CAMK4: variants seen among roughly 807,000 people sequenced by gnomAD.
The protein encoded by CAMK4 is calcium/calmodulin-dependent protein kinase type IV.
In CAMK4, 22 loss-of-function variants were observed where a neutral mutation model predicts 44.9. The observed-to-expected ratio is 0.49, with a 90% CI of 0.35 to 0.70. The LOEUF (loss-of-function observed/expected upper bound fraction) is 0.70. Ranked by LOEUF, CAMK4 falls within the 30% of genes least tolerant of loss-of-function variation. CAMK4 has a pLI of 0.01. For missense variants in CAMK4, 498 were observed against 586.8 expected (o/e 0.85, Z 1.56); for synonymous variants, 218 against 215.4 (o/e 1.01, Z -0.11).
chr5:111,344,117 T>G lies in CAMK4; in HGVS notation c.240+15T>G. 6.7e-7 allele frequency: 1 copy of G among 1,487,930 alleles called. No homozygotes were observed. The highest frequency in any genetic ancestry group is 1.1e-5 in the South Asian group (1 of 88,060). The allele number at this position is 1,487,930 out of a possible 1,614,324, so 92.2% of individuals were successfully genotyped here. ...TAAAGAAAACAGTAAGTTTATTTCTTATATAATGGCATCTCTAAGGGGCCT... is the reference window on the plus strand; with the variant it reads ...TAAAGAAAACAGTAAGTTTATTTCTGATATAATGGCATCTCTAAGGGGCCT... On this transcript the variant is annotated intron_variant, in intron 2 of 10. Coordinates refer to ENST00000282356, the MANE Select transcript of CAMK4 (RefSeq NM_001744.6).
At chr5:111,255,585 G>T (rs1271980301) in intron 1 of CAMK4, among the ~76,000 whole-genome samples, 2 of 152,122 alleles carry the variant, frequency 1.3e-5, no homozygotes, top group Non-Finnish European at 2.9e-5. Context: ...GATCTTTATT[G>T]CTGACTTTTA....
intron 5 of CAMK4, among the ~76,000 whole-genome samples, chr5:111,405,430 C>T (rs575561617): frequency 1.3e-5 from 2 of 151,990 alleles, no homozygotes; most frequent in East Asian, 1.9e-4. Flanking sequence ...ATTGCACCAC[C>T]GCACTCCAGT....
chr5:111,258,413 G>T (rs576773302), intron 1 of CAMK4, among the ~76,000 whole-genome samples: 1 of 152,296 alleles, frequency 6.6e-6, no homozygotes, highest in East Asian at 1.9e-4. Flanking sequence ...GAACAAAAAA[G>T]AAGTTTAATT....
intron 7 of CAMK4, among the ~76,000 whole-genome samples, chr5:111,450,357 T>C (rs1754184914): frequency 6.6e-6 from 1 of 151,718 alleles, no homozygotes; most frequent in Non-Finnish European, 1.5e-5. Context: ...AGAATATTTT[T>C]ACACAAATGT....
intron 5 of CAMK4, among the ~76,000 whole-genome samples, chr5:111,416,925 G>A (rs1752835971): frequency 6.6e-6 from 1 of 152,120 alleles, no homozygotes; most frequent in Non-Finnish European, 1.5e-5. Context: ...AACATTCATA[G>A]TCAAAAGTAA....
chr5:111,275,493 A>AT (rs1157570630), intron 1 of CAMK4, among the ~76,000 whole-genome samples: 6 of 152,026 alleles, frequency 3.9e-5, no homozygotes, highest in Admixed American at 2.6e-4. Context: ...TCTTGTATTC[A>AT]TTTTTTTATT....
At chr5:111,467,156 C>G (rs957121732) in intron 7 of CAMK4, among the ~76,000 whole-genome samples, 4 of 151,920 alleles carry the variant, frequency 2.6e-5, no homozygotes, top group African/African-American at 9.7e-5. Context: ...GAAACTGGAT[C>G]CTCATCCCTC....
chr5:111,485,082 T>C lies in CAMK4; in HGVS notation c.*616T>C, dbSNP rs1473414911. The C allele has an allele frequency of 6.6e-6, 1 of 152,212 alleles. No individual in the cohort carries two copies. Among genetic ancestry groups the C allele is most frequent in the Non-Finnish European group, 1.5e-5 (1 of 68,044 alleles). The allele number at this position is 152,212 out of a possible 1,614,324, so 9.4% of individuals were successfully genotyped here. On this transcript the variant is annotated 3_prime_UTR_variant, in exon 11 of 11. Transcript: ENST00000282356. ...TGTGGAGAATGCTTTATTTTATTCT[T>C]ATTTATATACACTATATTAATAATA...
chr5:111,350,327 A>G (rs57714585), intron 2 of CAMK4, among the ~76,000 whole-genome samples: 1 of 152,074 alleles, frequency 6.6e-6, no homozygotes, highest in Non-Finnish European at 1.5e-5. Context: ...TAATGTTCTC[A>G]TTAGCTTGAT....
intron 1 of CAMK4, among the ~76,000 whole-genome samples, chr5:111,286,302 G>A (rs1023391125): frequency 6.6e-6 from 1 of 152,154 alleles, no homozygotes; most frequent in African/African-American, 2.4e-5. Context: ...GTCCGGTGTT[G>A]TATAGGTGTG....
chr5:111,272,316 G>T (rs1257650471), intron 1 of CAMK4, among the ~76,000 whole-genome samples: 1 of 151,628 alleles, frequency 6.6e-6, no homozygotes, highest in East Asian at 1.9e-4. Flanking sequence ...TTTTTCCATT[G>T]TCTCTCTTTA....
intron 1 of CAMK4, among the ~76,000 whole-genome samples, chr5:111,310,474 A>C (rs1037859392): frequency 1.3e-5 from 2 of 152,172 alleles, no homozygotes; most frequent in African/African-American, 2.4e-5. Context: ...AAGAAATCTG[A>C]ATTTTACCCA....
intron 1 of CAMK4, among the ~76,000 whole-genome samples, chr5:111,340,682 T>C (rs980434322): frequency 6.6e-6 from 1 of 151,194 alleles, no homozygotes; most frequent in African/African-American, 2.4e-5. Context: ...AGTGGTCTTG[T>C]CTGGCTTTGA....
intron 5 of CAMK4, among the ~76,000 whole-genome samples, chr5:111,400,600 A>C (rs1256679768): frequency 1.3e-5 from 2 of 151,898 alleles, no homozygotes; most frequent in African/African-American, 4.8e-5. Context: ...CATATTTTAC[A>C]GTATTTCTCT....
intron 1 of CAMK4, among the ~76,000 whole-genome samples, chr5:111,248,447 T>C (rs1231311042): frequency 6.6e-6 from 1 of 152,032 alleles, no homozygotes; most frequent in African/African-American, 2.4e-5. Flanking sequence ...TCTTAGCACT[T>C]ACTTTTTAAT....
chr5:111,461,263 A>G (rs965195796), intron 7 of CAMK4, among the ~76,000 whole-genome samples: 1 of 152,210 alleles, frequency 6.6e-6, no homozygotes, highest in African/African-American at 2.4e-5. Context: ...CACGCATAGA[A>G]TTGAGAATAT....
At chr5:111,429,416 A>G (rs965029148) in intron 5 of CAMK4, among the ~76,000 whole-genome samples, 1 of 152,166 alleles carries the variant, frequency 6.6e-6, no homozygotes, top group Non-Finnish European at 1.5e-5. Flanking sequence ...CATGCAACCT[A>G]CCAAGATTGA....
At chr5:111,416,601 A>G (rs1454177530) in intron 5 of CAMK4, 1 of 152,202 alleles carries the variant, frequency 6.6e-6, no homozygotes, top group Non-Finnish European at 1.5e-5. Flanking sequence ...TTGTTTCACC[A>G]GGTGCGAGAA....
intron 5 of CAMK4, among the ~76,000 whole-genome samples, chr5:111,398,106 C>G (rs982896656): frequency 6.6e-6 from 1 of 152,194 alleles, no homozygotes; most frequent in African/African-American, 2.4e-5. Context: ...ACCTGCTTCC[C>G]TCTGCTCTCT....
Sources: gnomAD v4.1 joint callset for allele counts (sites outside exome capture counted in the v4.1 genomes callset) on GRCh38, gnomAD v4.1.1 for gene constraint, MANE v1.5 for transcripts, NCBI Gene and HGNC (gene_info 2026-07-23, HGNC 2026-07-21) for gene names.